The following SH3RF2 variants were observed in gnomAD, a reference collection of about 807,000 sequenced individuals.
SH3RF2 encodes E3 ubiquitin-protein ligase SH3RF2.
Under a neutral mutation model 59.0 loss-of-function variants are expected in SH3RF2, and 43 were observed. The ratio of observed to expected loss-of-function variants is 0.73; its 90% confidence interval spans 0.57 to 0.94. The LOEUF (loss-of-function observed/expected upper bound fraction) is 0.94. SH3RF2 is among the 40% of genes least tolerant of loss of function. The pLI is 0.00. For synonymous variants in SH3RF2, 391 were observed against 391.5 expected, an observed-to-expected ratio of 1.00 and a Z score of 0.01; for missense variants, 930 against 940.1, an observed-to-expected ratio of 0.99 and a Z score of 0.14.
intron 4 of SH3RF2, among the ~76,000 whole-genome samples, chr5:146,007,766 A>C (rs1298069310): frequency 1.3e-5 from 2 of 152,182 alleles, no homozygotes; most frequent in African/African-American, 4.8e-5. Context: ...CCAGTGCTTC[A>C]TTTGTTCTCC....
chr5:146,048,316 A>G (rs2150014532), intron 6 of SH3RF2, among the ~76,000 whole-genome samples: 2 of 147,454 alleles, frequency 1.4e-5, no homozygotes, highest in Middle Eastern at 7.0e-3. Flanking sequence ...CCCTGTCTCA[A>G]AAAAAAAAAA....
At chr5:146,077,496 A>G (rs1419321949) in intron 9 of SH3RF2, among the ~76,000 whole-genome samples, 1 of 152,206 alleles carries the variant, frequency 6.6e-6, no homozygotes, top group African/African-American at 2.4e-5. Flanking sequence ...AAAAGTTAAC[A>G]TTTTACCAGG....
chr5:146,041,422 G>A (rs988014573), intron 5 of SH3RF2, among the ~76,000 whole-genome samples: 2 of 152,220 alleles, frequency 1.3e-5, no homozygotes, highest in African/African-American at 4.8e-5. Context: ...TGAGAACGGA[G>A]CCCTGCGTGT....
At chr5:145,948,031 C>CG (rs1333839981) in intron 2 of SH3RF2, among the ~76,000 whole-genome samples, 1 of 152,064 alleles carries the variant, frequency 6.6e-6, no homozygotes, top group African/African-American at 2.4e-5. Context: ...ACATGTGTTA[C>CG]GAGAGCACAG....
chr5:145,941,863 G>C (rs1757827365), intron 2 of SH3RF2, among the ~76,000 whole-genome samples: 2 of 152,316 alleles, frequency 1.3e-5, no homozygotes, highest in South Asian at 2.1e-4. Flanking sequence ...TTAGCACAGA[G>C]ACTGGCTCAT....
Position 145,938,177 on chromosome 5 carries a change from G to A in SH3RF2, c.249G>A (p.Gly83=), listed in dbSNP as rs201139499. The A allele has an allele frequency of 4.2e-5, 68 of 1,614,090 alleles. No individual in the cohort carries two copies. The highest frequency in any genetic ancestry group is 1.9e-4 in the South Asian group (17 of 91,078). The change falls in exon 2 of 10, where the codon GGG becomes GGA. Residue 83 remains glycine (G), a synonymous_variant. Transcript: ENST00000359120. ...LDGVRSGQSS[G]RGGSFRRPGT... ...GAGTGCGCTCAGGGCAGAGCTCCGG[G>A]AGAGGGGGCTCCTTCCGCAGGCCTG...
chr5:145,937,552 G>GA (rs1380717066), intron 1 of SH3RF2, among the ~76,000 whole-genome samples: 1 of 152,072 alleles, frequency 6.6e-6, no homozygotes, highest in Admixed American at 6.5e-5. Context: ...GGGTTGGGGG[G>GA]CCACTTCAGC....
chr5:145,997,131 C>T, intron 2 of SH3RF2: 3 of 654,854 alleles, frequency 4.6e-6, no homozygotes, highest in Non-Finnish European at 8.3e-6. Context: ...TATTTCATCA[C>T]CCAGCAATGA....
intron 2 of SH3RF2, among the ~76,000 whole-genome samples, chr5:145,989,271 G>T (rs1018771867): frequency 6.6e-6 from 1 of 152,136 alleles, no homozygotes; most frequent in African/African-American, 2.4e-5. Context: ...TTAAAATTGG[G>T]GGATGTTTAG....
At chr5:145,986,178 GCCACCT>G (rs1446250441) in intron 2 of SH3RF2, among the ~76,000 whole-genome samples, 1 of 152,106 alleles carries the variant, frequency 6.6e-6, no homozygotes, top group African/African-American at 2.4e-5. Context: ...ACGTTCAGGG[GCCACCT>G]CCAGCCCCCA....
intron 2 of SH3RF2, among the ~76,000 whole-genome samples, chr5:145,969,541 A>G (rs966165781): frequency 7.2e-5 from 11 of 152,132 alleles, no homozygotes; most frequent in Admixed American, 6.5e-4. Flanking sequence ...TTTATGTAAC[A>G]GCTACAGACA....
intron 2 of SH3RF2, among the ~76,000 whole-genome samples, chr5:145,992,594 T>C (rs2149977742): frequency 6.6e-6 from 1 of 152,328 alleles, no homozygotes; most frequent in South Asian, 2.1e-4. Context: ...CTCACAATCA[T>C]GGCAGAAGGC....
chr5:146,013,396 G>A (rs931160939), intron 4 of SH3RF2, among the ~76,000 whole-genome samples: 1 of 152,148 alleles, frequency 6.6e-6, no homozygotes, highest in Non-Finnish European at 1.5e-5. Context: ...AAAGGAAGAG[G>A]GGAGAAGTCC....
At chr5:145,953,198 T>C (rs953403666) in intron 2 of SH3RF2, among the ~76,000 whole-genome samples, 22 of 152,028 alleles carry the variant, frequency 1.4e-4, no homozygotes, top group African/African-American at 5.3e-4. Context: ...ATAAACTAAA[T>C]ATAGACAAGG....
chr5:145,951,294 T>A (rs527964415), intron 2 of SH3RF2, among the ~76,000 whole-genome samples: 1 of 152,360 alleles, frequency 6.6e-6, no homozygotes, highest in South Asian at 2.1e-4. Context: ...CTGTCACTTA[T>A]GCTGGCTCAT....
chr5:145,937,840 C>G lies in SH3RF2; in HGVS notation c.-89C>G, dbSNP rs559339745. 3.1e-4 allele frequency: 460 copies of G among 1,485,110 alleles called. 5 individuals carry two copies. Among genetic ancestry groups the G allele is most frequent in the South Asian group, 2.2e-3 (162 of 74,102 alleles). The allele number at this position is 1,485,110 out of a possible 1,614,324, so 92.0% of individuals were successfully genotyped here. On this transcript the variant is annotated 5_prime_UTR_variant, in exon 2 of 10. Coordinates refer to ENST00000359120, the MANE Select transcript of SH3RF2 (RefSeq NM_152550.4). Reference sequence around the variant, plus strand: ...TCAAGCAGGCAAAAATTCTGACGTTCTCAAGAGACCAGCTCTGCCCCCGTG... The same window carrying G: ...TCAAGCAGGCAAAAATTCTGACGTTGTCAAGAGACCAGCTCTGCCCCCGTG...
Position 145,937,886 on chromosome 5 carries a change from T to C in SH3RF2, c.-43T>C, listed in dbSNP as rs752930066. 6 of 1,576,512 alleles carry C rather than the reference T, an allele frequency of 3.8e-6. No individual in the cohort carries two copies. Among genetic ancestry groups the C allele is most frequent in the Non-Finnish European group, 5.2e-6 (6 of 1,161,764 alleles). On this transcript the variant is annotated 5_prime_UTR_variant, in exon 2 of 10. Transcript: ENST00000359120. ...CCGTGGCTCAACTGACCCTACCATG[T>C]GGACGCTGCTCCTCCAGGTGGGAAC... is the stretch of plus-strand genomic sequence containing the variant.
At chr5:146,080,021 A>G (rs1763398709) in exon 10 of SH3RF2, 1 of 152,240 alleles carries the variant, frequency 6.6e-6, no homozygotes, top group African/African-American at 2.4e-5. Flanking sequence ...AGGGTTTCAT[A>G]AGGATTTAGC....
intron 5 of SH3RF2, among the ~76,000 whole-genome samples, chr5:146,036,087 C>T (rs1761928154): frequency 6.6e-6 from 1 of 152,134 alleles, no homozygotes; most frequent in South Asian, 2.1e-4. Flanking sequence ...CAAACAGTTA[C>T]TTCTTCAAGT....
Sources: allele counts gnomAD v4.1 joint callset (sites outside exome capture counted in the v4.1 genomes callset), GRCh38; gene constraint gnomAD v4.1.1; transcripts MANE v1.5; gene names NCBI Gene and HGNC (gene_info 2026-07-23, HGNC 2026-07-21).